The following HMCN1 variants were observed in gnomAD, a reference collection of about 807,000 sequenced individuals.
HMCN1 encodes hemicentin 1.
HMCN1 carries 321 observed loss-of-function variants against 625.9 expected under a neutral mutation model. The ratio of observed to expected loss-of-function variants is 0.51; its 90% CI spans 0.47 to 0.56. The LOEUF is 0.56. Among genes scored for constraint, HMCN1 ranks in the 20% least tolerant of loss-of-function variants. The pLI is 0.00. For missense variants in HMCN1, 6,588 were observed against 6,887.3 expected (o/e 0.96, Z 1.54); for synonymous variants, 2,425 against 2,417.6 (o/e 1.00, Z -0.09).
chr1:186,116,911 C>A, intron 75 of HMCN1, 83 bp from the exon 76 acceptor site: 1 of 1,465,282 alleles, frequency 6.8e-7, no homozygotes, highest in Non-Finnish European at 9.5e-7. Flanking sequence ...CATCAATTTA[C>A]AACATGGTAC....
intron 89 of HMCN1, among the ~76,000 whole-genome samples, chr1:186,140,259 T>C (rs1021475489): frequency 2.0e-5 from 3 of 152,204 alleles, no homozygotes; most frequent in African/African-American, 7.2e-5. Context: ...CGATCCACGA[T>C]CACACTTGTA....
At chr1:185,953,058 G>C (rs1301045758) in intron 11 of HMCN1, among the ~76,000 whole-genome samples, 1 of 151,412 alleles carries the variant, frequency 6.6e-6, no homozygotes, top group East Asian at 1.9e-4. Context: ...TGCCACTAAG[G>C]GTGAAGGAGA....
chr1:185,898,607 T>C (rs551586988), intron 4 of HMCN1, among the ~76,000 whole-genome samples: 1 of 152,254 alleles, frequency 6.6e-6, no homozygotes, highest in South Asian at 2.1e-4. Context: ...AGAATGCTTT[T>C]GTAGATCCTG....
At chr1:185,989,462 C>T (rs781095464) in intron 20 of HMCN1, 26 bp from the exon 21 acceptor site, 2 of 1,612,522 alleles carry the variant, frequency 1.2e-6, no homozygotes, top group Admixed American at 1.7e-5. Flanking sequence ...AACAAAAAAC[C>T]CTTTGCTTTT....
At chr1:185,985,706 A>G (rs1651960027) in intron 19 of HMCN1, among the ~76,000 whole-genome samples, 1 of 152,204 alleles carries the variant, frequency 6.6e-6, no homozygotes, top group Non-Finnish European at 1.5e-5. Flanking sequence ...TCTTGCAGAC[A>G]TTTAGCAGAT....
At chr1:185,973,956 T>A (rs1205960687) in intron 15 of HMCN1, among the ~76,000 whole-genome samples, 1 of 152,042 alleles carries the variant, frequency 6.6e-6, no homozygotes, top group Non-Finnish European at 1.5e-5. Flanking sequence ...AATGCAAGAG[T>A]CACCACATGG....
At chr1:185,892,848 G>A (rs1171895243) in intron 4 of HMCN1, among the ~76,000 whole-genome samples, 1 of 152,228 alleles carries the variant, frequency 6.6e-6, no homozygotes, top group Admixed American at 6.5e-5. Context: ...CCCAGTTCGA[G>A]CTTCCAGGCT....
chr1:186,119,247 G>C lies in HMCN1; in HGVS notation c.11905G>C (p.Ala3969Pro). The C allele has an allele frequency of 1.2e-6, 2 of 1,613,874 alleles. No individual in the cohort carries two copies. The highest frequency in any genetic ancestry group is 1.7e-6 in the Non-Finnish European group (2 of 1,179,876). Reference protein sequence around the residue: ...LNHAGRYTCVARNAAGSAHRH... With the variant: ...LNHAGRYTCVPRNAAGSAHRH... ...CCATGCTGGAAGATACACTTGTGTC[G>C]CTAGGAATGCGGCTGGCTCTGCACA... Residue 3969 changes from alanine to proline, a missense_variant, in exon 78 of 107, where the codon GCT (alanine) becomes CCT (proline). Ala to Pro is a conservative substitution (Grantham distance 27, BLOSUM62 -1). Around this residue, in one of 3 missense-constraint regions of HMCN1, gnomAD observed 4,628 missense variants for 4,853.1 expected, o/e 0.95. Transcript: ENST00000271588.
chr1:185,948,886 G>A (rs553375479), intron 11 of HMCN1, among the ~76,000 whole-genome samples: 48 of 151,984 alleles, frequency 3.2e-4, no homozygotes, highest in African/African-American at 9.4e-4. Flanking sequence ...CCTAGAGTGG[G>A]AGAGATTAAG....
At chr1:185,809,395 A>G (rs1277563861) in intron 1 of HMCN1, among the ~76,000 whole-genome samples, 2 of 152,006 alleles carry the variant, frequency 1.3e-5, no homozygotes, top group Admixed American at 6.6e-5. Context: ...CACAACATAC[A>G]TGTGATTATA....
intron 24 of HMCN1, among the ~76,000 whole-genome samples, chr1:185,996,222 T>TACCCCA (rs1652777868): frequency 6.6e-6 from 1 of 151,986 alleles, no homozygotes; most frequent in African/African-American, 2.4e-5. Context: ...TCCCTTGGGG[T>TACCCCA]AGGGACATGT....
In HMCN1 at chr1:185,858,586, ATTTTTTTTTTTTTTTTTTTTTTTTTT is replaced by A. The variant is rs71101980; in HGVS notation, c.340-5862_340-5837del. On this transcript the variant is annotated intron_variant, in intron 2 of 106. Transcript: ENST00000271588. ...GCCTATATGCCACCACACCCAGCTA[ATTTTTTTTTTTTTTTTTTTTTTTTTT>A]TTTTTTTTTTTTTTTTTTTTTAGAG... Among the ~76,000 whole-genome samples, 79 of 34,746 alleles carry A rather than the reference ATTTTTTTTTTTTTTTTTTTTTTTTTT, an allele frequency of 2.3e-3. 1 individual carries two copies. The highest frequency in any genetic ancestry group is 0.018 in the Middle Eastern group (1 of 56). The allele number at this position is 34,746 out of a possible 152,430, so 22.8% of individuals were successfully genotyped here.
chr1:185,982,358 C>T lies in HMCN1; in HGVS notation c.2759C>T (p.Pro920Leu). 1 of 1,613,612 alleles carries T rather than the reference C, an allele frequency of 6.2e-7. No homozygotes were observed. The highest frequency in any genetic ancestry group is 8.5e-7 in the Non-Finnish European group (1 of 1,179,664). The change falls in exon 18 of 107, where the codon CCA becomes CTA. Residue 920 changes from proline to leucine, a missense_variant. Transcript: ENST00000271588. The part of the protein sequence containing the change: ...PCTLLAGNPI[P>L]ERRWIKNSAM... ...ACTCTGTTAGCTGGAAATCCCATTC[C>T]AGAACGTCGGTGGATTAAGAATTCA... is the stretch of plus-strand genomic sequence containing the variant.
At chr1:185,808,444 G>A (rs1000931675) in intron 1 of HMCN1, among the ~76,000 whole-genome samples, 8 of 152,058 alleles carry the variant, frequency 5.3e-5, no homozygotes, top group Non-Finnish European at 8.8e-5. Flanking sequence ...ACTTGAGCCC[G>A]GAAAGTTGAG....
intron 1 of HMCN1, among the ~76,000 whole-genome samples, chr1:185,826,225 C>G (rs1255463378): frequency 1.3e-5 from 2 of 152,186 alleles, no homozygotes; most frequent in African/African-American, 4.8e-5. Flanking sequence ...TCGATTAAGA[C>G]AAAAATTAAA....
intron 17 of HMCN1, among the ~76,000 whole-genome samples, chr1:185,981,467 T>G (rs976757878): frequency 1.3e-5 from 2 of 152,156 alleles, no homozygotes; most frequent in Non-Finnish European, 2.9e-5. Context: ...GTAAGACATT[T>G]GATGCAATAT....
chr1:186,010,153 A>G (rs1435759155), intron 30 of HMCN1, among the ~76,000 whole-genome samples: 1 of 152,046 alleles, frequency 6.6e-6, no homozygotes, highest in East Asian at 1.9e-4. Flanking sequence ...TAAATTGCAT[A>G]AAAGTCTTGA....
intron 5 of HMCN1, among the ~76,000 whole-genome samples, chr1:185,910,942 G>T (rs768325707): frequency 2.0e-5 from 3 of 152,130 alleles, no homozygotes; most frequent in Non-Finnish European, 4.4e-5. Flanking sequence ...CTGAACTGTG[G>T]CTTAATGCCA....
chr1:186,015,280 C>T lies in HMCN1; in HGVS notation c.4752C>T (p.Asp1584=), dbSNP rs144362862. The T allele has an allele frequency of 4.3e-5, 69 of 1,613,558 alleles. No homozygotes were observed. Among genetic ancestry groups the T allele is most frequent in the Admixed American group, 2.2e-4 (13 of 59,928 alleles). The change falls in exon 31 of 107, where the codon GAC becomes GAT. Residue 1584 remains aspartate, a synonymous_variant. Coordinates refer to ENST00000271588, the MANE Select transcript of HMCN1 (RefSeq NM_031935.3). ...LPMPAITWYK[D]GQPIMSSSQA... ...TGCCTGCCATTACTTGGTATAAGGA[C>T]GGGCAGCCAATCATGTCCAGCTCAC...
Sources: gnomAD v4.1 joint callset for allele counts (sites outside exome capture counted in the v4.1 genomes callset) on GRCh38, gnomAD v4.1.1 for gene constraint, gnomAD v4.1.1 regional missense constraint, MANE v1.5 for transcripts, NCBI Gene and HGNC (gene_info 2026-07-23, HGNC 2026-07-21) for gene names.